RYK: variants seen among roughly 807,000 people sequenced by gnomAD.
RYK encodes the protein inactive tyrosine-protein kinase RYK.
In RYK, 21 loss-of-function variants were observed where a neutral mutation model predicts 70.2. The observed-to-expected ratio is 0.30, with a 90% CI of 0.21 to 0.43. The LOEUF (loss-of-function observed/expected upper bound fraction) is 0.43. Among genes scored for constraint, RYK ranks in the 20% least tolerant of loss-of-function variants. RYK has a pLI of 1.00. For missense variants in RYK, 604 were observed against 753.3 expected, an observed-to-expected ratio of 0.80 and a Z score of 2.32; for synonymous variants, 267 against 278.0, an observed-to-expected ratio of 0.96 and a Z score of 0.39.
intron 8 of RYK, among the ~76,000 whole-genome samples, chr3:134,190,905 C>G (rs1439162677): frequency 1.3e-5 from 2 of 152,176 alleles, no homozygotes; most frequent in Non-Finnish European, 2.9e-5. Context: ...GATCTGCAAA[C>G]TAGTTATGCT....
chr3:134,212,164 C>G (rs2014420262), intron 2 of RYK, among the ~76,000 whole-genome samples: 1 of 148,194 alleles, frequency 6.7e-6, no homozygotes, highest in African/African-American at 2.5e-5. Context: ...CCCCATTTGA[C>G]CTCTGGATCT....
intron 5 of RYK, among the ~76,000 whole-genome samples, chr3:134,206,786 A>G (rs929603689): frequency 6.6e-6 from 1 of 152,158 alleles, no homozygotes; most frequent in African/African-American, 2.4e-5. Flanking sequence ...ACAATGGCAA[A>G]GTGTTGATCA....
At chr3:134,242,793 T>C (rs974359552) in intron 1 of RYK, among the ~76,000 whole-genome samples, 3 of 152,226 alleles carry the variant, frequency 2.0e-5, no homozygotes, top group African/African-American at 7.2e-5. Context: ...CAACTCAGGA[T>C]GTGACTCACA....
intron 14 of RYK, 150 bp from the exon 15 acceptor site, chr3:134,158,414 A>G (rs2012325551): frequency 4.9e-6 from 2 of 407,454 alleles, no homozygotes; most frequent in South Asian, 1.2e-4. Context: ...ATCTGTTGGC[A>G]GCTCTAGAAA....
intron 8 of RYK, among the ~76,000 whole-genome samples, chr3:134,190,878 TC>T (rs2107668135): frequency 6.6e-6 from 1 of 152,318 alleles, no homozygotes; most frequent in South Asian, 2.1e-4. Flanking sequence ...CTACTTACTC[TC>T]TTCAGATTGC....
At chr3:134,232,482 C>T (rs894528184) in intron 1 of RYK, among the ~76,000 whole-genome samples, 1 of 152,118 alleles carries the variant, frequency 6.6e-6, no homozygotes, top group African/African-American at 2.4e-5. Context: ...AATTTAAAGC[C>T]CTGTGATCCA....
chr3:134,224,928 A>G lies in RYK; in HGVS notation c.233-2389T>C, dbSNP rs1043047053. Among the ~76,000 whole-genome samples, 40 of 152,258 alleles carry G rather than the reference A, an allele frequency of 2.6e-4. 1 individual carries two copies. The highest frequency in any genetic ancestry group is 2.6e-3 in the Admixed American group (40 of 15,282). ...TAATGATTAATCATATTCATATATA[A>G]TCATATCTATATTCTATTTCTAGTA... On this transcript the variant is annotated intron_variant, in intron 1 of 14. Coordinates refer to ENST00000623711, the MANE Select transcript of RYK (RefSeq NM_002958.4).
chr3:134,195,280 C>G, intron 6 of RYK, 98 bp from the exon 7 acceptor site: 1 of 784,896 alleles, frequency 1.3e-6, no homozygotes, highest in South Asian at 1.6e-5. Context: ...TTAAAACCAG[C>G]CTAAAATCCT....
intron 2 of RYK, among the ~76,000 whole-genome samples, chr3:134,212,761 G>A (rs1328362452): frequency 1.3e-5 from 2 of 152,158 alleles, no homozygotes; most frequent in Non-Finnish European, 2.9e-5. Context: ...ATAAGGGAAG[G>A]GATGGCCCTT....
At chr3:134,199,079 G>A (rs1326407955) in intron 6 of RYK, among the ~76,000 whole-genome samples, 1 of 152,198 alleles carries the variant, frequency 6.6e-6, no homozygotes, top group African/African-American at 2.4e-5. Flanking sequence ...GTAAAGAGAA[G>A]CTCTGCCTAT....
chr3:134,161,014 T>C (rs2012451636), intron 13 of RYK, among the ~76,000 whole-genome samples: 1 of 152,206 alleles, frequency 6.6e-6, no homozygotes, highest in African/African-American at 2.4e-5. Flanking sequence ...GTTCTTCATG[T>C]GGAAAGAAAA....
intron 5 of RYK, among the ~76,000 whole-genome samples, chr3:134,205,837 C>A (rs1170990493): frequency 6.6e-6 from 1 of 152,126 alleles, no homozygotes; most frequent in Non-Finnish European, 1.5e-5. Context: ...CATTATAAAC[C>A]CCCGAGGAAA....
At position 134,205,289 on chromosome 3, in the gene RYK, A is replaced by G. The variant is rs114317157; in HGVS notation, c.643+2183T>C. ...TAGGTCAGGATAAAAGATAAAACTT[A>G]CAGCTTTCAAAAACACATGGAAATA... On this transcript the variant is annotated intron_variant, in intron 5 of 14. Coordinates refer to ENST00000623711, the MANE Select transcript of RYK (RefSeq NM_002958.4). Among the ~76,000 whole-genome samples the G allele has an allele frequency of 2.9e-3, 447 of 152,328 alleles. 1 individual carries two copies. The highest frequency in any genetic ancestry group is 0.01 in the African/African-American group (418 of 41,576).
At position 134,187,703 on chromosome 3, in the gene RYK, T is replaced by C. The variant is rs575341551; in HGVS notation, c.1102+1134A>G. 1.4e-4 allele frequency among the ~76,000 whole-genome samples: 21 copies of C among 151,376 alleles called. No individual in the cohort carries two copies. The South Asian group carries it at 4.2e-3, about 30-fold the overall frequency. On this transcript the variant is annotated intron_variant, in intron 9 of 14. Coordinates refer to ENST00000623711, the MANE Select transcript of RYK (RefSeq NM_002958.4). Reference sequence around the variant, plus strand: ...CTGAGTAGCTGGGACTACAGGTATATGCTACCACACCCAGCTACTTTTTTT... The same window carrying C: ...CTGAGTAGCTGGGACTACAGGTATACGCTACCACACCCAGCTACTTTTTTT...
At chr3:134,221,273 C>A (rs540259256) in intron 2 of RYK, among the ~76,000 whole-genome samples, 1 of 132,966 alleles carries the variant, frequency 7.5e-6, no homozygotes, top group Admixed American at 8.5e-5. Flanking sequence ...GGTGCGATCT[C>A]GGCTCACTGC....
At chr3:134,159,736 GTTTA>G (rs2012387683) in intron 13 of RYK, among the ~76,000 whole-genome samples, 3 of 152,168 alleles carry the variant, frequency 2.0e-5, no homozygotes, top group Non-Finnish European at 1.5e-5. Flanking sequence ...CAGAATTTTA[GTTTA>G]ATTAAAGGGA....
At chr3:134,215,101 AG>A (rs2014513448) in intron 2 of RYK, among the ~76,000 whole-genome samples, 1 of 152,222 alleles carries the variant, frequency 6.6e-6, no homozygotes, top group South Asian at 2.1e-4. Flanking sequence ...CTATTTCCCC[AG>A]AAACTTGCTG....
At chr3:134,227,422 G>C (rs184321831) in intron 1 of RYK, among the ~76,000 whole-genome samples, 1 of 151,496 alleles carries the variant, frequency 6.6e-6, no homozygotes, top group Non-Finnish European at 1.5e-5. Flanking sequence ...TAAATTAATC[G>C]TGAAATTTAC....
chr3:134,174,425 T>C (rs143235451), intron 13 of RYK, among the ~76,000 whole-genome samples: 4 of 152,324 alleles, frequency 2.6e-5, no homozygotes, highest in African/African-American at 7.2e-5. Flanking sequence ...CCTTAAAACA[T>C]ACACACTTTG....
Sources: gnomAD v4.1 joint callset for allele counts (sites outside exome capture counted in the v4.1 genomes callset) on GRCh38, gnomAD v4.1.1 for gene constraint, MANE v1.5 for transcripts, NCBI Gene and HGNC (gene_info 2026-07-23, HGNC 2026-07-21) for gene names.